The following GHR variants were observed in gnomAD, a reference collection of about 807,000 sequenced individuals.
GHR encodes the protein growth hormone receptor.
Under a neutral mutation model 67.1 loss-of-function variants are expected in GHR, and 35 were observed. That is an observed-to-expected ratio of 0.52 (90% CI 0.40 to 0.69). GHR has a LOEUF of 0.69. Among genes scored for constraint, GHR ranks in the 30% least tolerant of loss-of-function variants. The pLI is 0.00. For synonymous variants in GHR, 272 were observed against 269.1 expected, an observed-to-expected ratio of 1.01 and a Z score of -0.10; for missense variants, 792 against 764.6, an observed-to-expected ratio of 1.04 and a Z score of -0.42.
intron 3 of GHR, among the ~76,000 whole-genome samples, chr5:42,685,617 C>G (rs576688629): frequency 8.5e-5 from 13 of 152,276 alleles, no homozygotes; most frequent in African/African-American, 3.1e-4. Flanking sequence ...TTTTTCCTGA[C>G]TTTTTAATGA....
intron 1 of GHR, among the ~76,000 whole-genome samples, chr5:42,464,753 T>C (rs1346924481): frequency 6.6e-6 from 1 of 152,138 alleles, no homozygotes; most frequent in Non-Finnish European, 1.5e-5. Context: ...ATAATCTAAA[T>C]TATGAATGGC....
chr5:42,508,086 C>T (rs1188566549), intron 1 of GHR, among the ~76,000 whole-genome samples: 5 of 152,272 alleles, frequency 3.3e-5, no homozygotes. Context: ...GGACCTTGAC[C>T]TCATTTGATC....
chr5:42,502,471 G>T (rs2112235193), intron 1 of GHR, among the ~76,000 whole-genome samples: 1 of 152,256 alleles, frequency 6.6e-6, no homozygotes, highest in East Asian at 1.9e-4. Context: ...TCAGTCAATT[G>T]TGACTGGTAA....
intron 6 of GHR, among the ~76,000 whole-genome samples, chr5:42,710,618 G>A (rs1316185225): frequency 6.6e-6 from 1 of 151,908 alleles, no homozygotes; most frequent in Non-Finnish European, 1.5e-5. Flanking sequence ...CTATTTTATG[G>A]TGGCTTTAAG....
chr5:42,466,725 CTGAAA>C (rs1349507126), intron 1 of GHR, among the ~76,000 whole-genome samples: 2 of 152,174 alleles, frequency 1.3e-5, no homozygotes, highest in Non-Finnish European at 2.9e-5. Flanking sequence ...AAATTAACTG[CTGAAA>C]TGTTTATCTT....
At chr5:42,528,865 G>A (rs1011559291) in intron 1 of GHR, among the ~76,000 whole-genome samples, 16 of 152,100 alleles carry the variant, frequency 1.1e-4, no homozygotes, top group South Asian at 4.2e-4. Context: ...ACTCTCCACC[G>A]GCAAAAAGAT....
chr5:42,680,852 T>TG (rs1756828396), intron 3 of GHR, among the ~76,000 whole-genome samples: 1 of 44,690 alleles, frequency 2.2e-5, no homozygotes, highest in Non-Finnish European at 4.7e-5. Flanking sequence ...CTATTATTAT[T>TG]ATTTTTTTTT....
intron 2 of GHR, among the ~76,000 whole-genome samples, chr5:42,599,682 C>A (rs7721816): frequency 0.99 from 150,608 of 152,292 alleles, 74,545 homozygotes; most frequent in Middle Eastern, 1. Flanking sequence ...CATTTGTAAG[C>A]AGATGAATTG....
chr5:42,451,144 A>C lies in GHR; in HGVS notation c.-12+27189A>C, dbSNP rs116688656. Among the ~76,000 whole-genome samples, 89 of 152,268 alleles carry C rather than the reference A, an allele frequency of 5.8e-4. No homozygotes were observed. The East Asian group carries it at 7.9e-3, about 14-fold the overall frequency. ...TGTTCTGTAAGTACCTATTAAGTCAATTTGTTCCAGGGCATAGTTTAAGCC... is the reference window on the plus strand; with the variant it reads ...TGTTCTGTAAGTACCTATTAAGTCACTTTGTTCCAGGGCATAGTTTAAGCC... On this transcript the variant is annotated intron_variant, in intron 1 of 9. Transcript: ENST00000230882.
At chr5:42,564,981 C>T (rs1749842831) in intron 1 of GHR, among the ~76,000 whole-genome samples, 1 of 152,202 alleles carries the variant, frequency 6.6e-6, no homozygotes, top group Non-Finnish European at 1.5e-5. Context: ...CCCAAACTTG[C>T]CTCAGAAGAT....
Position 42,592,725 on chromosome 5 carries a change from C to CGT in GHR, c.70+26792_70+26793dup, listed in dbSNP as rs367788675. Among the ~76,000 whole-genome samples, 37 of 152,150 alleles carry CGT rather than the reference C, an allele frequency of 2.4e-4. 1 individual carries two copies. In the East Asian group the frequency reaches 5.0e-3, roughly 21 times the overall value. On this transcript the variant is annotated intron_variant, in intron 2 of 9. Transcript: ENST00000230882. The stretch of plus-strand genomic sequence containing the variant: ...TGTGAATAGAGCCTCAGTGAACATA[C>CGT]GTGTGTGTGTGTCTTTATGGTAGAG...
chr5:42,640,949 C>G (rs1034002956), intron 3 of GHR, among the ~76,000 whole-genome samples: 3 of 152,064 alleles, frequency 2.0e-5, no homozygotes, highest in African/African-American at 7.2e-5. Context: ...CTGAGAGGCT[C>G]GCCATACTCC....
chr5:42,592,710 G>T (rs978917512), intron 2 of GHR, among the ~76,000 whole-genome samples: 1 of 152,152 alleles, frequency 6.6e-6, no homozygotes, highest in South Asian at 2.1e-4. Context: ...TGTGAATAGA[G>T]CCTCAGTGAA....
intron 1 of GHR, among the ~76,000 whole-genome samples, chr5:42,447,558 G>T (rs1743858424): frequency 6.6e-6 from 1 of 151,748 alleles, no homozygotes; most frequent in African/African-American, 2.4e-5. Context: ...CCATATTTTT[G>T]CAATGGCAAA....
intron 2 of GHR, among the ~76,000 whole-genome samples, chr5:42,591,285 T>A (rs938367367): frequency 1.3e-5 from 2 of 152,052 alleles, no homozygotes; most frequent in African/African-American, 4.8e-5. Flanking sequence ...ATCAAAGGAG[T>A]GGCAGCAGCT....
intron 3 of GHR, among the ~76,000 whole-genome samples, chr5:42,675,082 G>C (rs1208097994): frequency 6.6e-6 from 1 of 152,088 alleles, no homozygotes; most frequent in Admixed American, 6.6e-5. Flanking sequence ...AAATAAACTT[G>C]ACTGAATTTA....
Position 42,424,536 on chromosome 5 carries a change from G to T in GHR, c.-12+581G>T, listed in dbSNP as rs1052195608. ...TTGCGCGTTTGTGCGGGCCGCAGCC[G>T]CACGTTGGCACCGATGGAACTGGGG... is the stretch of plus-strand genomic sequence containing the variant. On this transcript the variant is annotated intron_variant, in intron 1 of 9. Transcript: ENST00000230882. The surrounding 1 kb of genome is among the most constrained non-coding windows in gnomAD (Gnocchi z 4.1). 64 of 1,511,010 alleles carry T rather than the reference G, an allele frequency of 4.2e-5. No homozygotes were observed. In the African/African-American group the frequency reaches 7.7e-4, roughly 18 times the overall value. 93.6% of individuals were successfully genotyped at this position (1,511,010 alleles called of 1,614,324 possible). A position where few individuals can be genotyped will look rare whatever the true frequency, so the allele number is the denominator to read the frequency against.
chr5:42,467,546 G>T (rs547216356), intron 1 of GHR: 2 of 1,422,130 alleles, frequency 1.4e-6, no homozygotes, highest in African/African-American at 1.4e-5. Context: ...CATTTACTAC[G>T]CCTAAAGGTT....
chr5:42,717,933 A>C, intron 8 of GHR, 119 bp from the exon 9 acceptor site: 2 of 667,152 alleles, frequency 3.0e-6, no homozygotes, highest in Non-Finnish European at 5.6e-6. Context: ...CAATTATATA[A>C]AGTACCAGAA....
Sources: gnomAD v4.1 joint callset for allele counts (sites outside exome capture counted in the v4.1 genomes callset) on GRCh38, gnomAD v4.1.1 for gene constraint, Gnocchi (gnomAD v3.1) non-coding constraint, MANE v1.5 for transcripts, NCBI Gene and HGNC (gene_info 2026-07-23, HGNC 2026-07-21) for gene names.